Variants in TAF1A observed in about 807,000 individuals in gnomAD.
TAF1A encodes the protein TATA-box binding protein associated factor, RNA polymerase I subunit A.
TAF1A carries 42 observed loss-of-function variants against 61.6 expected under a neutral mutation model. That is an observed-to-expected ratio of 0.68 (90% CI 0.53 to 0.88). The LOEUF is 0.88. Among genes scored for constraint, TAF1A ranks in the 40% least tolerant of loss-of-function variants. TAF1A has a pLI of 0.00. For missense variants in TAF1A, 424 were observed against 518.7 expected (o/e 0.82, Z 1.77); for synonymous variants, 179 against 177.7 (o/e 1.01, Z -0.06).
chr1:222,588,671 T>A, intron 1 of TAF1A, 106 bp from the exon 2 acceptor site: 1 of 1,223,528 alleles, frequency 8.2e-7, no homozygotes, highest in South Asian at 1.7e-5. Flanking sequence ...ATAATTTGAT[T>A]AGCAAAATGC....
rs1371927872 is a variant in TAF1A at position 222,561,347 on chromosome 1, G to C, written c.1240+17C>G. 1 of 1,587,612 alleles carries C rather than the reference G, an allele frequency of 6.3e-7. No homozygotes were observed. Among genetic ancestry groups the C allele is most frequent in the African/African-American group, 1.4e-5 (1 of 73,130 alleles). On this transcript the variant is annotated intron_variant, in intron 10 of 10. Transcript: ENST00000352967. ...AGCCAAAGCTGTGTCTAGATAAAAC[G>C]AAAATAAAAACTGTACCTTTTCCTA...
At chr1:222,564,004 G>A (rs372120408) in intron 8 of TAF1A, 55 bp downstream of exon 8, 3 of 1,105,480 alleles carry the variant, frequency 2.7e-6, no homozygotes, top group South Asian at 2.6e-5. Flanking sequence ...CTAGTTTGCT[G>A]GTCCCTAGTC....
At chr1:222,579,912 G>A in intron 3 of TAF1A, 40 bp from the exon 4 acceptor site, 1 of 1,579,188 alleles carries the variant, frequency 6.3e-7, no homozygotes, top group African/African-American at 1.4e-5. Flanking sequence ...TAAAATTTTT[G>A]CCTTAACCAA....
At chr1:222,582,785 T>C (rs1660836470) in intron 3 of TAF1A, among the ~76,000 whole-genome samples, 2 of 152,204 alleles carry the variant, frequency 1.3e-5, no homozygotes, top group Non-Finnish European at 2.9e-5. Context: ...TACTTATACA[T>C]GCTACAACAT....
At chr1:222,583,507 G>A (rs2102678365) in intron 3 of TAF1A, among the ~76,000 whole-genome samples, 2 of 152,094 alleles carry the variant, frequency 1.3e-5, no homozygotes, top group South Asian at 4.2e-4. Context: ...AAACAATGAA[G>A]TATAGTCTAT....
chr1:222,570,430 AT>A (rs1660303004), intron 6 of TAF1A, 104 bp downstream of exon 6: 4 of 1,217,318 alleles, frequency 3.3e-6, no homozygotes, highest in Middle Eastern at 2.8e-4. Flanking sequence ...CTTTTAAATA[AT>A]TTTTTCCATT....
At chr1:222,567,607 G>C (rs1437381480) in intron 7 of TAF1A, among the ~76,000 whole-genome samples, 3 of 152,068 alleles carry the variant, frequency 2.0e-5, no homozygotes, top group African/African-American at 4.8e-5. Context: ...TAAATGGAGA[G>C]ACATGCCATG....
Position 222,588,432 on chromosome 1 carries a change from ATTT to A in TAF1A, c.121+8_121+10del. The A allele has an allele frequency of 1.2e-6, 2 of 1,610,886 alleles. No individual in the cohort carries two copies. Among genetic ancestry groups the A allele is most frequent in the Admixed American group, 1.7e-5 (1 of 59,362 alleles). The stretch of plus-strand genomic sequence containing the variant: ...AAAGTTAAAATGGCTCAATGTTATT[ATTT>A]TACTTACCCACAGTTTCTACGTATG... On this transcript the variant is annotated splice_region_variant and intron_variant, in intron 2 of 10. Coordinates refer to ENST00000352967, the MANE Select transcript of TAF1A (RefSeq NM_005681.4).
chr1:222,578,191 C>T (rs1163320200), intron 4 of TAF1A, among the ~76,000 whole-genome samples: 3 of 152,038 alleles, frequency 2.0e-5, no homozygotes, highest in Non-Finnish European at 4.4e-5. Flanking sequence ...ATCCCTGATA[C>T]AGGAGAAGCA....
chr1:222,561,311 A>C, intron 10 of TAF1A, 53 bp downstream of exon 10: 1 of 1,548,238 alleles, frequency 6.5e-7, no homozygotes. Flanking sequence ...ATACTTCATA[A>C]TTTCAAAATC....
At chr1:222,579,226 T>C (rs1054638616) in intron 4 of TAF1A, among the ~76,000 whole-genome samples, 1 of 152,172 alleles carries the variant, frequency 6.6e-6, no homozygotes, top group African/African-American at 2.4e-5. Flanking sequence ...AAGCAAAGCA[T>C]TTACAAACCT....
At chr1:222,567,228 A>G (rs2102645927) in intron 7 of TAF1A, among the ~76,000 whole-genome samples, 1 of 152,356 alleles carries the variant, frequency 6.6e-6, no homozygotes, top group Middle Eastern at 3.4e-3. Context: ...TTCCACTTAT[A>G]TGAGGTACCT....
intron 2 of TAF1A, among the ~76,000 whole-genome samples, chr1:222,585,277 G>A (rs899631816): frequency 2.6e-5 from 4 of 151,596 alleles, no homozygotes; most frequent in African/African-American, 7.3e-5. Flanking sequence ...CCTGATACAC[G>A]GCTATAATTA....
intron 9 of TAF1A, 81 bp downstream of exon 9, chr1:222,563,092 A>T: frequency 7.7e-7 from 1 of 1,301,162 alleles, no homozygotes; most frequent in Non-Finnish European, 1.1e-6. Flanking sequence ...ATAAGCAAAG[A>T]TCTTTAAAAA....
At chr1:222,584,372 A>G in intron 2 of TAF1A, 75 bp from the exon 3 acceptor site, 1 of 1,408,224 alleles carries the variant, frequency 7.1e-7, no homozygotes. Context: ...TACTTCTGAT[A>G]AGAAGTTTTA....
intron 3 of TAF1A, among the ~76,000 whole-genome samples, chr1:222,581,762 T>G (rs1279255540): frequency 2.0e-5 from 3 of 152,102 alleles, no homozygotes; most frequent in African/African-American, 4.8e-5. Context: ...CAAGAACTGG[T>G]TAAGGCAAAG....
At position 222,561,393 on chromosome 1, in the gene TAF1A, G is replaced by C; in HGVS notation, c.1211C>G (p.Ala404Gly). The C allele has an allele frequency of 1.2e-6, 2 of 1,607,576 alleles. No homozygotes were observed. The highest frequency in any genetic ancestry group is 1.7e-6 in the Non-Finnish European group (2 of 1,177,668). ...KEDTALACEK[A>G]FVAGLLLGKG... ...TCCTAACAGTAAACCAGCCACAAAAGCTTTCTCACAGGCCAAAGCTGTATC... is the reference window on the plus strand; with the variant it reads ...TCCTAACAGTAAACCAGCCACAAAACCTTTCTCACAGGCCAAAGCTGTATC... The change falls in exon 10 of 11, where the codon GCT becomes GGT. Residue 404 changes from alanine (A) to glycine (G), a missense_variant. Physicochemically the swap from Ala to Gly is moderately conservative, Grantham distance 60. Coordinates refer to ENST00000352967, the MANE Select transcript of TAF1A (RefSeq NM_005681.4).
intron 5 of TAF1A, among the ~76,000 whole-genome samples, chr1:222,575,140 C>G (rs1660515234): frequency 6.6e-6 from 1 of 151,864 alleles, no homozygotes; most frequent in Non-Finnish European, 1.5e-5. Flanking sequence ...TATCTTTTTC[C>G]CAGTGGATCA....
At chr1:222,557,684 T>C (rs909437110), downstream of TAF1A, among the ~76,000 whole-genome samples, 1 of 151,928 alleles carries the variant, frequency 6.6e-6, no homozygotes, top group Non-Finnish European at 1.5e-5. Flanking sequence ...CTCAATCTCT[T>C]GACCTCATGA....
Sources: allele counts gnomAD v4.1 joint callset (sites outside exome capture counted in the v4.1 genomes callset), GRCh38; gene constraint gnomAD v4.1.1; transcripts MANE v1.5; gene names NCBI Gene and HGNC (gene_info 2026-07-23, HGNC 2026-07-21).